Variants in KIAA1217 observed in about 807,000 individuals in gnomAD.
KIAA1217 encodes KIAA1217, also known as sickle tail protein homolog.
KIAA1217 carries 88 observed loss-of-function variants against 163.9 expected under a neutral mutation model. The observed-to-expected ratio is 0.54, with a 90% CI of 0.45 to 0.64. KIAA1217 has a LOEUF of 0.64. KIAA1217 is among the 30% of genes least tolerant of loss of function. The pLI, the probability that KIAA1217 is intolerant of heterozygous loss-of-function variation, is 0.00. For missense variants in KIAA1217, 2,372 were observed against 2,475.0 expected, an observed-to-expected ratio of 0.96 and a Z score of 0.88; for synonymous variants, 903 against 923.1, an observed-to-expected ratio of 0.98 and a Z score of 0.39.
chr10:24,196,789 G>A (rs1035865138), intron 2 of KIAA1217, among the ~76,000 whole-genome samples: 3 of 152,202 alleles, frequency 2.0e-5, no homozygotes, highest in African/African-American at 7.2e-5. Flanking sequence ...TGAGCGGTGC[G>A]TAGAGACAGG....
At chr10:24,449,602 A>G in intron 5 of KIAA1217, 1 of 985,428 alleles carries the variant, frequency 1.0e-6, no homozygotes, top group Non-Finnish European at 1.2e-6. Flanking sequence ...CCTTTAAACC[A>G]CATATTTTGA....
chr10:24,028,518 T>C (rs1171047909), intron 2 of KIAA1217, among the ~76,000 whole-genome samples: 2 of 152,154 alleles, frequency 1.3e-5, no homozygotes, highest in African/African-American at 4.8e-5. Context: ...TAGAGATATA[T>C]GCACATTTGT....
chr10:23,737,644 AAAAT>A (rs1314910003), intron 1 of KIAA1217, among the ~76,000 whole-genome samples: 1 of 152,228 alleles, frequency 6.6e-6, no homozygotes, highest in East Asian at 1.9e-4. Flanking sequence ...AACAGAATAA[AAAAT>A]AGTACACATA....
chr10:24,293,446 G>A (rs1021013983), intron 2 of KIAA1217, among the ~76,000 whole-genome samples: 1 of 152,068 alleles, frequency 6.6e-6, no homozygotes, highest in Admixed American at 6.6e-5. Flanking sequence ...GCCCCGCCCC[G>A]GCCCTTCCAC....
intron 9 of KIAA1217, among the ~76,000 whole-genome samples, chr10:24,508,103 G>T (rs537719945): frequency 6.6e-6 from 1 of 152,010 alleles, no homozygotes; most frequent in African/African-American, 2.4e-5. Context: ...TATCCCTCAC[G>T]AAAATATATG....
intron 1 of KIAA1217, among the ~76,000 whole-genome samples, chr10:23,808,743 T>C (rs1252861167): frequency 6.6e-6 from 1 of 151,792 alleles, no homozygotes; most frequent in Non-Finnish European, 1.5e-5. Context: ...AAATAAAAGA[T>C]GAGAAAGAAG....
chr10:24,143,467 A>C (rs1171259640), intron 2 of KIAA1217, among the ~76,000 whole-genome samples: 2 of 152,042 alleles, frequency 1.3e-5, no homozygotes, highest in African/African-American at 4.8e-5. Context: ...GGGTTTCACC[A>C]TGTTGGCCAG....
intron 1 of KIAA1217, among the ~76,000 whole-genome samples, chr10:23,856,552 G>A (rs1839677618): frequency 6.6e-6 from 1 of 152,178 alleles, no homozygotes; most frequent in Non-Finnish European, 1.5e-5. Context: ...AGCTGTCAGG[G>A]ACATTTAAGT....
intron 4 of KIAA1217, among the ~76,000 whole-genome samples, chr10:24,433,770 C>T (rs2059791014): frequency 6.7e-6 from 1 of 149,040 alleles, no homozygotes; most frequent in South Asian, 2.1e-4. Flanking sequence ...TCGTTATTTA[C>T]ACATAACAAG....
intron 17 of KIAA1217, among the ~76,000 whole-genome samples, chr10:24,537,525 C>T (rs551305365): frequency 1.5e-4 from 23 of 150,598 alleles, no homozygotes; most frequent in South Asian, 4.2e-4. Flanking sequence ...TGCAGTGAGC[C>T]GAGATTGCGC....
intron 1 of KIAA1217, among the ~76,000 whole-genome samples, chr10:23,953,280 G>T (rs1010141632): frequency 2.0e-5 from 3 of 152,162 alleles, no homozygotes; most frequent in Non-Finnish European, 4.4e-5. Context: ...AACATATTAT[G>T]CTTGTTCTTT....
rs566221491 is a variant in KIAA1217 at position 24,456,864 on chromosome 10, G to A, written c.847-16364G>A. The stretch of plus-strand genomic sequence containing the variant: ...ATTACAGGCACCTGCCACCAAACCC[G>A]GCTAATTTTTGTGTTTTTAGTAGAG... On this transcript the variant is annotated intron_variant, in intron 5 of 20. Transcript: ENST00000376454. Among the ~76,000 whole-genome samples, 16 of 151,890 alleles carry A rather than the reference G, an allele frequency of 1.1e-4. 1 individual carries two copies. In the East Asian group the frequency reaches 2.3e-3, roughly 22 times the overall value.
intron 1 of KIAA1217, among the ~76,000 whole-genome samples, chr10:23,737,502 G>A (rs7090334): frequency 0.22 from 33,344 of 151,920 alleles, 3,907 homozygotes; most frequent in African/African-American, 0.29. Context: ...CCACATTAAC[G>A]TTTTAATAGA....
intron 2 of KIAA1217, among the ~76,000 whole-genome samples, chr10:24,093,604 C>G (rs976822219): frequency 1.3e-5 from 2 of 151,456 alleles, no homozygotes; most frequent in African/African-American, 4.9e-5. Flanking sequence ...GCACTTGGCA[C>G]TCAACTAAGA....
intron 1 of KIAA1217, among the ~76,000 whole-genome samples, chr10:23,721,718 T>G (rs1451248325): frequency 6.6e-6 from 1 of 152,166 alleles, no homozygotes; most frequent in African/African-American, 2.4e-5. Context: ...GGAATCATAT[T>G]TTTTGTCTTC....
chr10:24,014,348 ATT>A (rs1847381057), intron 2 of KIAA1217, among the ~76,000 whole-genome samples: 1 of 152,162 alleles, frequency 6.6e-6, no homozygotes, highest in Admixed American at 6.5e-5. Flanking sequence ...GCATAAGGTA[ATT>A]TGTTTTACAC....
At chr10:24,258,964 C>A (rs1274818093) in intron 2 of KIAA1217, among the ~76,000 whole-genome samples, 1 of 152,138 alleles carries the variant, frequency 6.6e-6, no homozygotes, top group African/African-American at 2.4e-5. Flanking sequence ...CTATTTCCAG[C>A]AAGCTCTTTG....
intron 1 of KIAA1217, among the ~76,000 whole-genome samples, chr10:23,907,933 A>G (rs372398822): frequency 5.9e-5 from 9 of 152,210 alleles, no homozygotes; most frequent in African/African-American, 2.2e-4. Context: ...TAAAGGGGAA[A>G]CACAGCAAAA....
intron 4 of KIAA1217, among the ~76,000 whole-genome samples, chr10:24,436,298 A>T (rs946296680): frequency 2.0e-5 from 3 of 152,206 alleles, no homozygotes; most frequent in Non-Finnish European, 4.4e-5. Flanking sequence ...AAATGTTCAA[A>T]TGTAGACAAT....
Sources: gnomAD v4.1 joint callset for allele counts (sites outside exome capture counted in the v4.1 genomes callset) on GRCh38, gnomAD v4.1.1 for gene constraint, MANE v1.5 for transcripts, NCBI Gene and HGNC (gene_info 2026-07-23, HGNC 2026-07-21) for gene names.